Variants in GPC5 observed in about 807,000 individuals in gnomAD.
GPC5 encodes the protein glypican-5.
In GPC5, 47 loss-of-function variants were observed where a neutral mutation model predicts 53.9. The ratio of observed to expected loss-of-function variants is 0.87; its 90% CI spans 0.69 to 1.11. The LOEUF (loss-of-function observed/expected upper bound fraction) is 1.11. Ranked by LOEUF, GPC5 falls within the 50% of genes most tolerant of loss-of-function variation. The pLI is 0.00. For missense variants in GPC5, 748 were observed against 713.1 expected (o/e 1.05, Z -0.56); for synonymous variants, 286 against 263.3 (o/e 1.09, Z -0.84).
intron 7 of GPC5, among the ~76,000 whole-genome samples, chr13:92,639,359 CTG>C (rs1885515007): frequency 2.0e-5 from 3 of 152,166 alleles, no homozygotes; most frequent in African/African-American, 7.2e-5. Flanking sequence ...TCCAGCTAAG[CTG>C]TGTTTCCCAC....
chr13:92,777,657 A>G (rs1406019102), intron 7 of GPC5, among the ~76,000 whole-genome samples: 1 of 152,124 alleles, frequency 6.6e-6, no homozygotes, highest in Admixed American at 6.5e-5. Context: ...TCTTACCTCA[A>G]CTTTTCAATT....
chr13:92,450,665 C>T (rs979604969), intron 7 of GPC5, among the ~76,000 whole-genome samples: 2 of 152,140 alleles, frequency 1.3e-5, no homozygotes, highest in Non-Finnish European at 2.9e-5. Context: ...ACAGAGAGAA[C>T]ATGTAACACT....
intron 2 of GPC5, among the ~76,000 whole-genome samples, chr13:91,557,375 C>T (rs2138878873): frequency 6.6e-6 from 1 of 152,200 alleles, no homozygotes; most frequent in South Asian, 2.1e-4. Context: ...CTTCTCTTTA[C>T]TTTCCCTTTC....
At chr13:91,636,775 T>C (rs1998893) in intron 2 of GPC5, among the ~76,000 whole-genome samples, 139,137 of 152,016 alleles carry the variant, frequency 0.92, 63,867 homozygotes, top group East Asian at 1. Context: ...GACAACAAAG[T>C]GAGACACTGT....
At chr13:92,363,645 G>T (rs924394488) in intron 7 of GPC5, among the ~76,000 whole-genome samples, 13 of 151,664 alleles carry the variant, frequency 8.6e-5, no homozygotes, top group African/African-American at 2.0e-4. Context: ...CTGGGGGTTT[G>T]GGGGACCCAT....
At chr13:92,588,285 A>G (rs777903078) in intron 7 of GPC5, among the ~76,000 whole-genome samples, 1 of 152,206 alleles carries the variant, frequency 6.6e-6, no homozygotes, top group Non-Finnish European at 1.5e-5. Flanking sequence ...ATAGTATTCC[A>G]TGGTGTAAAT....
intron 2 of GPC5, among the ~76,000 whole-genome samples, chr13:91,498,141 G>A (rs537665863): frequency 2.1e-4 from 31 of 147,580 alleles, no homozygotes; most frequent in Non-Finnish European, 3.4e-4. Context: ...TAACCCACCC[G>A]CCGCCACACA....
At chr13:91,446,838 A>G (rs1427482224) in intron 1 of GPC5, among the ~76,000 whole-genome samples, 1 of 152,174 alleles carries the variant, frequency 6.6e-6, no homozygotes. Context: ...GGCGATACTG[A>G]TGGAAATGTG....
chr13:92,543,031 T>A (rs1881979379), intron 7 of GPC5, among the ~76,000 whole-genome samples: 1 of 152,040 alleles, frequency 6.6e-6, no homozygotes, highest in South Asian at 2.1e-4. Flanking sequence ...TCCCAACATT[T>A]GGAAAGTTTT....
At chr13:91,998,667 T>C (rs2040527062) in intron 6 of GPC5, among the ~76,000 whole-genome samples, 1 of 152,194 alleles carries the variant, frequency 6.6e-6, no homozygotes, top group African/African-American at 2.4e-5. Flanking sequence ...ATGAGAAAAC[T>C]GAAAATGAGT....
chr13:92,252,361 CAT>C (rs1248517055), intron 7 of GPC5, among the ~76,000 whole-genome samples: 6 of 152,112 alleles, frequency 3.9e-5, no homozygotes, highest in Admixed American at 6.6e-5. Context: ...AATGCAAACA[CAT>C]GTGAGAAAGA....
chr13:91,651,448 G>A (rs955903635), intron 2 of GPC5, among the ~76,000 whole-genome samples: 4 of 152,100 alleles, frequency 2.6e-5, no homozygotes, highest in Non-Finnish European at 5.9e-5. Context: ...TGCTGGGCAC[G>A]GTGGCTCATG....
intron 7 of GPC5, among the ~76,000 whole-genome samples, chr13:92,586,543 A>G (rs1230873370): frequency 6.6e-6 from 1 of 152,248 alleles, no homozygotes; most frequent in Non-Finnish European, 1.5e-5. Flanking sequence ...GTCAGTGTGC[A>G]GAATGAACTG....
At chr13:91,754,961 C>T (rs552846683) in intron 4 of GPC5, among the ~76,000 whole-genome samples, 5 of 152,154 alleles carry the variant, frequency 3.3e-5, no homozygotes, top group Non-Finnish European at 7.4e-5. Context: ...ATACCAAATA[C>T]TTATACTAAA....
chr13:92,346,461 A>G (rs1566549034), intron 7 of GPC5, among the ~76,000 whole-genome samples: 1 of 152,174 alleles, frequency 6.6e-6, no homozygotes, highest in Non-Finnish European at 1.5e-5. Flanking sequence ...AAAGTCAGTG[A>G]CCCCATGAAT....
intron 2 of GPC5, among the ~76,000 whole-genome samples, chr13:91,478,100 T>A (rs762277747): frequency 4.6e-5 from 7 of 152,152 alleles, no homozygotes; most frequent in Non-Finnish European, 1.0e-4. Context: ...ATGAAAATTG[T>A]CGTTAGTTTT....
intron 6 of GPC5, among the ~76,000 whole-genome samples, chr13:91,930,798 A>C (rs1483244336): frequency 1.3e-5 from 2 of 152,020 alleles, no homozygotes; most frequent in Non-Finnish European, 2.9e-5. Flanking sequence ...GCACTTCAAC[A>C]TGTCAGCTGA....
intron 7 of GPC5, among the ~76,000 whole-genome samples, chr13:92,616,389 G>A (rs1566322535): frequency 6.6e-6 from 1 of 152,126 alleles, no homozygotes; most frequent in Non-Finnish European, 1.5e-5. Flanking sequence ...TAAGACTATA[G>A]CATACCTTGG....
At chr13:92,739,132 A>G (rs558073278) in intron 7 of GPC5, among the ~76,000 whole-genome samples, 102 of 152,252 alleles carry the variant, frequency 6.7e-4, no homozygotes, top group Non-Finnish European at 1.1e-3. Context: ...CTAAGTACAC[A>G]TACAATGTCT....
Sources: gnomAD v4.1 joint callset for allele counts (sites outside exome capture counted in the v4.1 genomes callset) on GRCh38, gnomAD v4.1.1 for gene constraint, MANE v1.5 for transcripts, NCBI Gene and HGNC (gene_info 2026-07-23, HGNC 2026-07-21) for gene names.